ADGRL1: variants seen among roughly 807,000 people sequenced by gnomAD.
The protein encoded by ADGRL1 is CIRL-1.
In ADGRL1, 31 loss-of-function variants were observed where a neutral mutation model predicts 148.9. The observed-to-expected ratio is 0.21, with a 90% CI of 0.16 to 0.28. The LOEUF (loss-of-function observed/expected upper bound fraction) is 0.28. ADGRL1 is among the 10% of genes least tolerant of loss of function. The pLI is 1.00. For missense variants in ADGRL1, 1,521 were observed against 2,058.8 expected, an observed-to-expected ratio of 0.74 and a Z score of 5.05; for synonymous variants, 937 against 900.3, an observed-to-expected ratio of 1.04 and a Z score of -0.73.
At chr19:14,151,683 G>T in intron 22 of ADGRL1, 68 bp from the exon 23 acceptor site, 2 of 1,443,714 alleles carry the variant, frequency 1.4e-6, no homozygotes, top group Non-Finnish European at 1.9e-6. Flanking sequence ...CAGTGAGGGG[G>T]TGCGGTCCAT....
intron 1 of ADGRL1, among the ~76,000 whole-genome samples, chr19:14,191,758 C>T (rs1383146483): frequency 6.6e-6 from 1 of 151,480 alleles, no homozygotes; most frequent in East Asian, 1.9e-4. Context: ...TGCAGTGGCA[C>T]AATCCCGGCT....
chr19:14,198,214 G>A (rs955217235), intron 1 of ADGRL1, among the ~76,000 whole-genome samples: 1 of 152,122 alleles, frequency 6.6e-6, no homozygotes, highest in African/African-American at 2.4e-5. Flanking sequence ...GTGGACCTCA[G>A]GGAGGACTTT....
At chr19:14,183,820 C>G in intron 1 of ADGRL1, 123 bp from the exon 2 acceptor site, 2 of 553,676 alleles carry the variant, frequency 3.6e-6, no homozygotes, top group South Asian at 4.6e-5. Context: ...CCAGCCCTAT[C>G]TGTAGGGCCC....
At chr19:14,179,590 A>G (rs1357972274) in intron 2 of ADGRL1, among the ~76,000 whole-genome samples, 1 of 151,822 alleles carries the variant, frequency 6.6e-6, no homozygotes, top group Non-Finnish European at 1.5e-5. Flanking sequence ...CAACTGTGAG[A>G]CAATCAATGT....
chr19:14,167,999 C>T (rs540303308), intron 4 of ADGRL1, among the ~76,000 whole-genome samples: 3 of 152,282 alleles, frequency 2.0e-5, no homozygotes, highest in East Asian at 1.9e-4. Context: ...CAGCATTAGT[C>T]GGGCTTGTCC....
chr19:14,205,607 C>T (rs1668691255), intron 1 of ADGRL1, among the ~76,000 whole-genome samples: 1 of 151,880 alleles, frequency 6.6e-6, no homozygotes, highest in Admixed American at 6.6e-5. Flanking sequence ...GCACACGCAC[C>T]GGGGACACGC....
chr19:14,156,038 C>T, intron 17 of ADGRL1, 72 bp downstream of exon 17: 1 of 1,194,670 alleles, frequency 8.4e-7, no homozygotes, highest in Non-Finnish European at 1.2e-6. Context: ...TTTAGGACAC[C>T]CTGGAAGAGG....
In ADGRL1 at chr19:14,150,613, G is replaced by C; in HGVS notation, c.*260C>G. ...AGTTCTCCCTCCTCACTCCCCTGGGGTCCTCTGGGCTCCTCCTCACTACAC... is the reference window on the plus strand; with the variant it reads ...AGTTCTCCCTCCTCACTCCCCTGGGCTCCTCTGGGCTCCTCCTCACTACAC... On this transcript the variant is annotated 3_prime_UTR_variant, in exon 23 of 23. Coordinates refer to ENST00000361434, the MANE Select transcript of ADGRL1 (RefSeq NM_014921.5). 2.0e-6 allele frequency: 1 copy of C among 510,514 alleles called. No homozygotes were observed. Among genetic ancestry groups the C allele is most frequent in the Non-Finnish European group, 3.4e-6 (1 of 290,194 alleles). 31.6% of individuals were successfully genotyped at this position (510,514 alleles called of 1,614,324 possible). A position where few individuals can be genotyped will look rare whatever the true frequency, so the allele number is the denominator to read the frequency against.
Position 14,161,182 on chromosome 19 carries a change from C to A in ADGRL1, c.1510+130G>T. On this transcript the variant is annotated intron_variant, in intron 6 of 22. Transcript: ENST00000361434. The surrounding 1 kb of genome is among the most constrained non-coding windows in gnomAD (Gnocchi z 4.4). ...CCTGTGCCCTGAGAGCTCTGCTGGT[C>A]ACTGGGGATGACCCCTGCCCTCAGA... The A allele has an allele frequency of 1.1e-6, 1 of 922,020 alleles. No homozygotes were observed. Among genetic ancestry groups the A allele is most frequent in the Non-Finnish European group, 1.5e-6 (1 of 646,600 alleles). 57.1% of individuals were successfully genotyped at this position (922,020 alleles called of 1,614,324 possible).
At position 14,155,342 on chromosome 19, in the gene ADGRL1, C is replaced by A. The variant is rs2144647811; in HGVS notation, c.3294+17G>T. On this transcript the variant is annotated intron_variant, in intron 18 of 22. Coordinates refer to ENST00000361434, the MANE Select transcript of ADGRL1 (RefSeq NM_014921.5). This position sits in a 1 kb window ranked among gnomAD's most constrained non-coding sequence, Gnocchi z 5.0. The stretch of plus-strand genomic sequence containing the variant: ...CTCCAAGGGAGGCTGTGACCCAGGA[C>A]CCCGCCTCGACCTCACCTTCTTCTG... The A allele has an allele frequency of 6.2e-7, 1 of 1,612,092 alleles. No homozygotes were observed. The highest frequency in any genetic ancestry group is 8.5e-7 in the Non-Finnish European group (1 of 1,178,692).
At chr19:14,167,366 G>A (rs1970076950) in intron 4 of ADGRL1, among the ~76,000 whole-genome samples, 1 of 151,996 alleles carries the variant, frequency 6.6e-6, no homozygotes, top group Non-Finnish European at 1.5e-5. Context: ...CCCTCAGGTG[G>A]GAGGGGGCAC....
At position 14,157,913 on chromosome 19, in the gene ADGRL1, T is replaced by C. The variant is rs1968937238; in HGVS notation, c.2504A>G (p.Asn835Ser). The change falls in exon 13 of 23, where the codon AAC becomes AGC. Residue 835 changes from asparagine (N) to serine (S), a missense_variant. Asn to Ser is a conservative substitution (Grantham distance 46). Coordinates refer to ENST00000361434, the MANE Select transcript of ADGRL1 (RefSeq NM_014921.5). The surrounding 1 kb of genome is among the most constrained non-coding windows in gnomAD (Gnocchi z 7.5). ...HTTCACSHLT[N>S]FAVLMAHREI... ...ACGGTGAGCCATGAGCACAGCGAAG[T>C]TGGTGAGGTGGCTGCAGGCACACGT... The C allele has an allele frequency of 6.2e-7, 1 of 1,614,026 alleles. No individual in the cohort carries two copies. Among genetic ancestry groups the C allele is most frequent in the Non-Finnish European group, 8.5e-7 (1 of 1,179,988 alleles).
At chr19:14,172,872 G>A (rs1446317983) in intron 3 of ADGRL1, among the ~76,000 whole-genome samples, 1 of 152,110 alleles carries the variant, frequency 6.6e-6, no homozygotes, top group Non-Finnish European at 1.5e-5. Flanking sequence ...CAGTGCTTAT[G>A]TTCAAGTAGC....
Position 14,199,437 on chromosome 19 carries a change from A to T in ADGRL1, c.-96+6548T>A, listed in dbSNP as rs973652845. ...TGGGAGTGTGTGTGTTTTTTTTTTTAATCGTATTTTTAGAGACAGGGTCTT... is the reference window on the plus strand; with the variant it reads ...TGGGAGTGTGTGTGTTTTTTTTTTTTATCGTATTTTTAGAGACAGGGTCTT... On this transcript the variant is annotated intron_variant, in intron 1 of 22. Transcript: ENST00000361434. Among the ~76,000 whole-genome samples the T allele has an allele frequency of 9.6e-4, 145 of 150,326 alleles. 1 individual carries two copies. The highest frequency in any genetic ancestry group is 1.8e-3 in the Non-Finnish European group (121 of 67,482).
At position 14,160,668 on chromosome 19, in the gene ADGRL1, G is replaced by T. The variant is rs1969263159; in HGVS notation, c.1539C>A (p.Ala513=). Residue 513 remains alanine (A), a synonymous_variant, in exon 7 of 23, where the codon GCC becomes GCA. Coordinates refer to ENST00000361434, the MANE Select transcript of ADGRL1 (RefSeq NM_014921.5). This position sits in a 1 kb window ranked among gnomAD's most constrained non-coding sequence, Gnocchi z 5.9. ...RGIASFQCLP[A]LGLWNPRGPD... ...GGCCCCGGGGGTTCCAGAGCCCCAA[G>T]GCTGGTAGACACTGGAAGGAGGCAA... 12 of 1,612,926 alleles carry T rather than the reference G, an allele frequency of 7.4e-6. No homozygotes were observed. The East Asian group carries it at 2.7e-4, about 36-fold the overall frequency.
At chr19:14,197,138 G>A (rs11881591) in intron 1 of ADGRL1, among the ~76,000 whole-genome samples, 42,174 of 151,782 alleles carry the variant, frequency 0.28, 5,918 homozygotes, top group South Asian at 0.37. Flanking sequence ...CAGGCATGGT[G>A]GCACACACCT....
Position 14,160,461 on chromosome 19 carries a change from G to A in ADGRL1, c.1614+132C>T. The A allele has an allele frequency of 2.2e-6, 2 of 915,628 alleles. No homozygotes were observed. The highest frequency in any genetic ancestry group is 3.3e-6 in the Non-Finnish European group (2 of 614,080). The allele number at this position is 915,628 out of a possible 1,614,324, so 56.7% of individuals were successfully genotyped here. On this transcript the variant is annotated intron_variant, in intron 7 of 22. Coordinates refer to ENST00000361434, the MANE Select transcript of ADGRL1 (RefSeq NM_014921.5). This position sits in a 1 kb window ranked among gnomAD's most constrained non-coding sequence, Gnocchi z 5.9. ...CTGTCCCTGCTCCCTTTGTAGGCCAGGGAGGTGACCCCACAGTCCTGCCTT... is the reference window on the plus strand; with the variant it reads ...CTGTCCCTGCTCCCTTTGTAGGCCAAGGAGGTGACCCCACAGTCCTGCCTT...
intron 16 of ADGRL1, 130 bp from the exon 17 acceptor site, chr19:14,156,331 G>T (rs1599395345): frequency 4.1e-6 from 3 of 732,810 alleles, no homozygotes; most frequent in South Asian, 3.3e-5. Context: ...CCCCGTACCT[G>T]CCCCTGAGGT....
At chr19:14,183,231 G>GAC (rs1351286514) in intron 2 of ADGRL1, among the ~76,000 whole-genome samples, 5 of 152,162 alleles carry the variant, frequency 3.3e-5, no homozygotes, top group African/African-American at 1.2e-4. Flanking sequence ...GAGAGAGACA[G>GAC]AGAGAGGAGC....
Sources: allele counts gnomAD v4.1 joint callset (sites outside exome capture counted in the v4.1 genomes callset), GRCh38; gene constraint gnomAD v4.1.1; non-coding constraint Gnocchi (gnomAD v3.1); transcripts MANE v1.5; gene names NCBI Gene and HGNC (gene_info 2026-07-23, HGNC 2026-07-21).